Variants in C7orf78 observed in about 807,000 individuals in gnomAD.
C7orf78 encodes the protein chromosome 7 open reading frame 78, also known as putative uncharacterized protein C7orf78.
chr7:12,518,459 A>T, the C7orf78 span, among the ~76,000 whole-genome samples: 1 of 152,040 alleles, frequency 6.6e-6, no homozygotes, highest in African/African-American at 2.4e-5. Flanking sequence ...CAGTGGTAAG[A>T]TGACTGTCTT....
the C7orf78 span, among the ~76,000 whole-genome samples, chr7:12,534,002 G>C: frequency 1.2e-4 from 18 of 152,282 alleles, no homozygotes; most frequent in South Asian, 4.1e-4. Flanking sequence ...ATCTGAAGTT[G>C]TAGTTCCTCT....
chr7:12,533,163 T>G, the C7orf78 span, among the ~76,000 whole-genome samples: 4 of 152,170 alleles, frequency 2.6e-5, no homozygotes, highest in Non-Finnish European at 5.9e-5. Flanking sequence ...AATGGCATGG[T>G]AGTCCATCAG....
chr7:12,529,115 G>A, the C7orf78 span: 1 of 397,710 alleles, frequency 2.5e-6, no homozygotes, highest in Non-Finnish European at 4.4e-6. Flanking sequence ...CTTTAGTGCA[G>A]GAGTTTTTTA....
the C7orf78 span, among the ~76,000 whole-genome samples, chr7:12,540,448 T>C: frequency 1.1e-4 from 16 of 152,250 alleles, no homozygotes; most frequent in African/African-American, 3.6e-4. Context: ...ATCATTTTCA[T>C]AGGCATAACC....
the C7orf78 span, chr7:12,541,484 T>C: frequency 2.0e-5 from 3 of 152,124 alleles, no homozygotes; most frequent in Admixed American, 2.0e-4. Flanking sequence ...TTGAAGTCAC[T>C]GAAATATAAA....
chr7:12,484,403 T>C, the C7orf78 span, among the ~76,000 whole-genome samples: 5 of 152,352 alleles, frequency 3.3e-5, no homozygotes, highest in South Asian at 2.1e-4. Flanking sequence ...TTACATAAGT[T>C]ACCTAACATC....
the C7orf78 span, among the ~76,000 whole-genome samples, chr7:12,536,561 C>T: frequency 2.6e-5 from 4 of 152,138 alleles, no homozygotes; most frequent in African/African-American, 9.7e-5. Flanking sequence ...TAACATTCAG[C>T]TTATCATTAC....
the C7orf78 span, among the ~76,000 whole-genome samples, chr7:12,529,300 A>G: frequency 0.018 from 2,801 of 152,278 alleles, 77 homozygotes; most frequent in African/African-American, 0.064. Flanking sequence ...ATAGTAGTTA[A>G]AAGCATGGCT....
At chr7:12,492,833 G>A in the C7orf78 span, among the ~76,000 whole-genome samples, 2 of 152,174 alleles carry the variant, frequency 1.3e-5, no homozygotes, top group African/African-American at 4.8e-5. Flanking sequence ...GCTCTTTAAG[G>A]ATCTTGAATA....
At chr7:12,535,950 C>T in the C7orf78 span, among the ~76,000 whole-genome samples, 2 of 152,218 alleles carry the variant, frequency 1.3e-5, no homozygotes, top group African/African-American at 4.8e-5. Context: ...TGTGGCTTTG[C>T]AGGATACAGC....
the C7orf78 span, among the ~76,000 whole-genome samples, chr7:12,498,793 A>G: frequency 2.7e-5 from 4 of 149,834 alleles, no homozygotes. Context: ...CAGATTCACC[A>G]AAGTTGAAAT....
the C7orf78 span, among the ~76,000 whole-genome samples, chr7:12,501,107 A>G: frequency 6.9e-6 from 1 of 145,292 alleles, no homozygotes; most frequent in East Asian, 2.0e-4. Context: ...ATCTATGACA[A>G]ACCCACAGCC....
chr7:12,497,490 T>C, the C7orf78 span, among the ~76,000 whole-genome samples: 1 of 151,734 alleles, frequency 6.6e-6, no homozygotes, highest in African/African-American at 2.4e-5. Context: ...ATCGGGAAAA[T>C]CGGGTCACTC....
At chr7:12,540,529 T>C in the C7orf78 span, among the ~76,000 whole-genome samples, 1 of 152,218 alleles carries the variant, frequency 6.6e-6, no homozygotes, top group African/African-American at 2.4e-5. Context: ...TGTTATAATT[T>C]TATAAGCTGG....
At chr7:12,533,092 G>T in the C7orf78 span, among the ~76,000 whole-genome samples, 1 of 152,190 alleles carries the variant, frequency 6.6e-6, no homozygotes, top group Non-Finnish European at 1.5e-5. Flanking sequence ...AGCATAGTGG[G>T]AGCTTCTCCT....
At chr7:12,484,238 C>G in the C7orf78 span, among the ~76,000 whole-genome samples, 1 of 152,292 alleles carries the variant, frequency 6.6e-6, no homozygotes, top group Non-Finnish European at 1.5e-5. Context: ...TAGGTGTGAT[C>G]TGAACCATGA....
At chr7:12,509,121 G>A in the C7orf78 span, among the ~76,000 whole-genome samples, 2 of 152,124 alleles carry the variant, frequency 1.3e-5, no homozygotes, top group East Asian at 3.8e-4. Flanking sequence ...AAAGATTGGG[G>A]ACTGCTGAAC....
chr7:12,488,628 T>A, the C7orf78 span, among the ~76,000 whole-genome samples: 1 of 151,954 alleles, frequency 6.6e-6, no homozygotes, highest in Admixed American at 6.6e-5. Context: ...CAGCTGCACC[T>A]TTATGAATGT....
chr7:12,501,015 T>C, the C7orf78 span, among the ~76,000 whole-genome samples: 2 of 151,588 alleles, frequency 1.3e-5, no homozygotes, highest in East Asian at 3.9e-4. Context: ...AAAAGGCCTT[T>C]GACAAAATTC....
Sources: gnomAD v4.1 joint callset for allele counts (sites outside exome capture counted in the v4.1 genomes callset) on GRCh38, gnomAD v4.1.1 for gene constraint, MANE v1.5 for transcripts, NCBI Gene and HGNC (gene_info 2026-07-23, HGNC 2026-07-21) for gene names.